Variants in DENND2B observed in about 807,000 individuals in gnomAD.
DENND2B encodes DENN domain-containing protein 2B.
DENND2B carries 32 observed loss-of-function variants against 116.0 expected under a neutral mutation model. The ratio of observed to expected loss-of-function variants is 0.28; its 90% CI spans 0.21 to 0.37. The LOEUF is 0.37. Among genes scored for constraint, DENND2B ranks in the 10% least tolerant of loss-of-function variants. The pLI is 1.00. For missense variants in DENND2B, 1,276 were observed against 1,477.7 expected (o/e 0.86, Z 2.24); for synonymous variants, 588 against 583.9 (o/e 1.01, Z -0.10).
upstream of DENND2B, among the ~76,000 whole-genome samples, chr11:8,871,585 TC>T (rs1314139997): frequency 6.6e-6 from 1 of 152,138 alleles, no homozygotes; most frequent in African/African-American, 2.4e-5. Flanking sequence ...TTCTCGGGCC[TC>T]GGGGGAGCCC....
At chr11:8,700,695 G>A (rs1043061355) in intron 14 of DENND2B, among the ~76,000 whole-genome samples, 3 of 152,024 alleles carry the variant, frequency 2.0e-5, no homozygotes, top group African/African-American at 7.3e-5. Context: ...TGCTTGGGAT[G>A]GATTCTTTGA....
chr11:8,742,857 G>C (rs1054277994), intron 2 of DENND2B, among the ~76,000 whole-genome samples: 3 of 152,132 alleles, frequency 2.0e-5, no homozygotes, highest in African/African-American at 7.2e-5. Flanking sequence ...CTGAGGTCAG[G>C]AGTTTGAGAC....
intron 3 of DENND2B, among the ~76,000 whole-genome samples, chr11:8,852,223 A>G (rs1351568974): frequency 2.0e-5 from 3 of 152,228 alleles, no homozygotes; most frequent in Non-Finnish European, 4.4e-5. Context: ...GTGCAAGTGG[A>G]GGACTGAAGT....
At chr11:8,696,752 C>T in intron 17 of DENND2B, 86 bp from the exon 18 acceptor site, 2 of 1,551,018 alleles carry the variant, frequency 1.3e-6, no homozygotes, top group Middle Eastern at 4.4e-4. Flanking sequence ...TTCCTCTCCC[C>T]AACAAGACTT....
intron 1 of DENND2B, among the ~76,000 whole-genome samples, chr11:8,886,539 G>C (rs2063962790): frequency 6.6e-6 from 1 of 151,728 alleles, no homozygotes; most frequent in African/African-American, 2.4e-5. Flanking sequence ...ATGCTTTGGA[G>C]AACCTAGATA....
At chr11:8,732,095 C>A (rs148572479) in intron 2 of DENND2B, among the ~76,000 whole-genome samples, 1 of 152,202 alleles carries the variant, frequency 6.6e-6, no homozygotes, top group Non-Finnish European at 1.5e-5. Flanking sequence ...CTTTTCCACT[C>A]TATCATTGAG....
rs56051922 is a variant in DENND2B, at chr11:8,880,345, C to CTGTGTGTGTGTGTGTG, written c.-156+649_-156+664dup. ...ATGCACTGGAAGCTGTCACTTTGAA[C>CTGTGTGTGTGTGTGTG]TGTGTGTGTGTGTGTGTGTGTGTGT... On this transcript the variant is annotated intron_variant, in intron 2 of 22. Transcript: ENST00000534127. Among the ~76,000 whole-genome samples the CTGTGTGTGTGTGTGTG allele has an allele frequency of 9.9e-3, 1,191 of 120,512 alleles. 10 individuals are homozygous for CTGTGTGTGTGTGTGTG. The highest frequency in any genetic ancestry group is 0.013 in the Non-Finnish European group (697 of 53,690). The allele number at this position is 120,512 out of a possible 152,430, so 79.1% of individuals were successfully genotyped here.
rs2044030446 is a variant in DENND2B at position 8,712,926 on chromosome 11, G to A, written c.1988-191C>T. ...GACCCCTGCACAAAGACTCTGCCCTGACACAGGAAGCTGCGGGCCTGGTCC... is the reference window on the plus strand; with the variant it reads ...GACCCCTGCACAAAGACTCTGCCCTAACACAGGAAGCTGCGGGCCTGGTCC... On this transcript the variant is annotated intron_variant, in intron 8 of 19. Coordinates refer to ENST00000313726, the MANE Select transcript of DENND2B (RefSeq NM_213618.2). The surrounding 1 kb of genome is among the most constrained non-coding windows in gnomAD (Gnocchi z 4.4). Among the ~76,000 whole-genome samples the A allele has an allele frequency of 6.6e-6, 1 of 152,194 alleles. No homozygotes were observed. The highest frequency in any genetic ancestry group is 1.5e-5 in the Non-Finnish European group (1 of 68,030).
intron 2 of DENND2B, among the ~76,000 whole-genome samples, chr11:8,738,982 A>G (rs964577321): frequency 3.3e-5 from 5 of 152,222 alleles, no homozygotes; most frequent in African/African-American, 1.2e-4. Context: ...GCATTGCACC[A>G]GACTGTTTCC....
intron 1 of DENND2B, chr11:8,794,779 G>GGGTTT (rs2059671899): frequency 6.6e-6 from 1 of 152,278 alleles, no homozygotes; most frequent in Non-Finnish European, 1.5e-5. Flanking sequence ...TGCTCAGGCA[G>GGGTTT]CAACAAGGAG....
Position 8,693,960 on chromosome 11 carries a change from G to T in DENND2B, c.*136C>A. ...AAACAGTATCCTGGGATATGATGAA[G>T]GCAGAGGTGGGCTGGCTTGGAGGAT... On this transcript the variant is annotated 3_prime_UTR_variant, in exon 20 of 20. Transcript: ENST00000313726. 1 of 804,906 alleles carries T rather than the reference G, an allele frequency of 1.2e-6. No homozygotes were observed. 49.9% of individuals were successfully genotyped at this position (804,906 alleles called of 1,614,324 possible). A position where few individuals can be genotyped will look rare whatever the true frequency, so the allele number is the denominator to read the frequency against.
At chr11:8,875,877 T>C (rs542301621), upstream of DENND2B, among the ~76,000 whole-genome samples, 1 of 152,144 alleles carries the variant, frequency 6.6e-6, no homozygotes, top group African/African-American at 2.4e-5. Context: ...GCAAAACCAA[T>C]ATTCCTTCAG....
At chr11:8,770,662 T>C (rs1942610944) in intron 1 of DENND2B, among the ~76,000 whole-genome samples, 1 of 152,172 alleles carries the variant, frequency 6.6e-6, no homozygotes, top group Admixed American at 6.5e-5. Flanking sequence ...AACCCAGAAC[T>C]CACTGGGCTT....
rs764317951 is a variant in DENND2B, at chr11:8,698,938, G to T, written c.2935C>A (p.Arg979=). The T allele has an allele frequency of 2.5e-6, 4 of 1,614,122 alleles. No individual in the cohort carries two copies. The Admixed American group carries it at 6.7e-5, about 27-fold the overall frequency. ...GCAAGCACCCACCCTCTTACCTGTC[G>T]GATGAATCGGTCAGATCCCAGATTC... ...MVNLGSDRFI[R]QMDDEDTLLP... Residue 979 remains arginine (R), a synonymous_variant, in exon 16 of 20, where the codon CGA becomes AGA. Coordinates refer to ENST00000313726, the MANE Select transcript of DENND2B (RefSeq NM_213618.2).
At chr11:8,718,096 A>AACCCCCCCCCCCCCCCCCCCCCCCCCC in intron 4 of DENND2B, 3 of 65,008 alleles carry the variant, frequency 4.6e-5, no homozygotes, top group South Asian at 1.1e-4. Flanking sequence ...AAGCAGACCC[A>AACCCCCCCCCCCCCCCCCCCCCCCCCC]CCCCCCCACC....
intron 2 of DENND2B, among the ~76,000 whole-genome samples, chr11:8,731,483 C>T (rs1359512770): frequency 1.3e-5 from 2 of 152,146 alleles, no homozygotes; most frequent in Admixed American, 1.3e-4. Context: ...CTGTGCCAAG[C>T]GAGAGCATCC....
intron 1 of DENND2B, among the ~76,000 whole-genome samples, chr11:8,886,041 A>G (rs1168658258): frequency 6.6e-6 from 1 of 152,098 alleles, no homozygotes; most frequent in African/African-American, 2.4e-5. Context: ...CCCAGGTTCA[A>G]GTGATCCTCC....
At chr11:8,908,652 C>CCTTCA (rs10626305) in intron 1 of DENND2B, among the ~76,000 whole-genome samples, 141,468 of 152,046 alleles carry the variant, frequency 0.93, 66,641 homozygotes, top group East Asian at 1. Context: ...CCTAGGCCAT[C>CCTTCA]AGGCCTAGCT....
chr11:8,718,401 C>G (rs2045477399), intron 4 of DENND2B: 5 of 1,532,808 alleles, frequency 3.3e-6, no homozygotes, highest in Non-Finnish European at 4.4e-6. Context: ...CCGTAGGGAG[C>G]AGGGCTTCGC....
Sources: gnomAD v4.1 joint callset for allele counts (sites outside exome capture counted in the v4.1 genomes callset) on GRCh38, gnomAD v4.1.1 for gene constraint, Gnocchi (gnomAD v3.1) non-coding constraint, MANE v1.5 for transcripts, NCBI Gene and HGNC (gene_info 2026-07-23, HGNC 2026-07-21) for gene names.